GPATCH2: variants seen among roughly 807,000 people sequenced by gnomAD.
GPATCH2 encodes the protein G patch domain-containing protein 2.
A neutral mutation model predicts 58.0 loss-of-function variants in GPATCH2; 51 were observed. That is an observed-to-expected ratio of 0.88 (90% CI 0.70 to 1.11). The LOEUF is 1.11. GPATCH2 is among the 50% of genes most tolerant of loss of function. The pLI, the probability that GPATCH2 is intolerant of heterozygous loss-of-function variation, is 0.00. For missense variants in GPATCH2, 625 were observed against 652.2 expected (o/e 0.96, Z 0.45); for synonymous variants, 222 against 218.5 (o/e 1.02, Z -0.14).
chr1:217,471,299 A>G (rs1343784152), intron 8 of GPATCH2, among the ~76,000 whole-genome samples: 1 of 152,186 alleles, frequency 6.6e-6, no homozygotes, highest in Non-Finnish European at 1.5e-5. Context: ...TTAAACAAAT[A>G]TAGCCCATGT....
intron 5 of GPATCH2, among the ~76,000 whole-genome samples, chr1:217,582,121 T>G (rs1667109274): frequency 6.6e-6 from 1 of 152,154 alleles, no homozygotes; most frequent in African/African-American, 2.4e-5. Context: ...GGTTGGGAAT[T>G]ATTACTTGAT....
intron 1 of GPATCH2, among the ~76,000 whole-genome samples, chr1:217,630,564 T>C (rs1399047900): frequency 2.0e-5 from 3 of 152,262 alleles, no homozygotes; most frequent in South Asian, 4.1e-4. Context: ...CTGGTAAATA[T>C]TGAAAGAGGA....
chr1:217,492,178 T>A (rs144242884), intron 7 of GPATCH2, among the ~76,000 whole-genome samples: 20 of 152,332 alleles, frequency 1.3e-4, no homozygotes, highest in African/African-American at 4.6e-4. Context: ...AGCTGTGAAT[T>A]TTTTAAGGCT....
In GPATCH2 at chr1:217,522,306, CACTAAATA is replaced by C. The variant is rs202071609; in HGVS notation, c.1099-7425_1099-7418del. Among the ~76,000 whole-genome samples, 898 of 152,224 alleles carry C rather than the reference CACTAAATA, an allele frequency of 5.9e-3. 7 individuals carry two copies. Among genetic ancestry groups the C allele is most frequent in the African/African-American group, 0.02 (825 of 41,548 alleles). ...AAATGCTTTCACAAAAAAGATTAAT[CACTAAATA>C]ATTCAAAAACAAATACAGCAACAAC... On this transcript the variant is annotated intron_variant, in intron 5 of 9. Coordinates refer to ENST00000366935, the MANE Select transcript of GPATCH2 (RefSeq NM_018040.5).
chr1:217,564,990 A>C (rs34500034), intron 5 of GPATCH2, among the ~76,000 whole-genome samples: 22,628 of 152,202 alleles, frequency 0.15, 2,182 homozygotes, highest in Non-Finnish European at 0.21. Flanking sequence ...GAAAAAGAAG[A>C]AGCAGAATGT....
At chr1:217,572,461 T>G (rs1666614334) in intron 5 of GPATCH2, among the ~76,000 whole-genome samples, 1 of 152,216 alleles carries the variant, frequency 6.6e-6, no homozygotes, top group Non-Finnish European at 1.5e-5. Flanking sequence ...TGTAAAAATG[T>G]ATTATCTAGT....
intron 8 of GPATCH2, among the ~76,000 whole-genome samples, chr1:217,459,263 C>G (rs1013061226): frequency 6.6e-6 from 1 of 152,106 alleles, no homozygotes; most frequent in South Asian, 2.1e-4. Context: ...GAGTTCATAA[C>G]CTAATGTAGG....
intron 5 of GPATCH2, among the ~76,000 whole-genome samples, chr1:217,524,440 C>T (rs1663704597): frequency 6.6e-6 from 1 of 151,886 alleles, no homozygotes; most frequent in Non-Finnish European, 1.5e-5. Flanking sequence ...AGAGACGCTC[C>T]TCACTTCCCA....
At chr1:217,504,201 G>T (rs1232994755) in intron 6 of GPATCH2, among the ~76,000 whole-genome samples, 1 of 152,230 alleles carries the variant, frequency 6.6e-6, no homozygotes, top group Non-Finnish European at 1.5e-5. Context: ...TTACCCAGGA[G>T]TAAAAAAGGA....
chr1:217,431,273 C>A lies in GPATCH2; in HGVS notation c.1459G>T (p.Gly487Ter), dbSNP rs754728856. ...NMGWTPGSGL[G>*]RDGKGISEPI... The stretch of plus-strand genomic sequence containing the variant: ...TCAGAGATCCCCTTGCCATCTCGTC[C>A]AAGGCCTGACCCAGGCGTCCAGCCC... Residue 487 changes from glycine to a stop codon, truncating the protein, a stop_gained, in exon 10 of 10, where the codon GGA (glycine) becomes TGA (stop). Transcript: ENST00000366935. LOFTEE classifies it high-confidence loss of function. The A allele has an allele frequency of 6.2e-7, 1 of 1,606,656 alleles. No homozygotes were observed. The highest frequency in any genetic ancestry group is 8.5e-7 in the Non-Finnish European group (1 of 1,173,150).
At chr1:217,614,076 G>A in intron 3 of GPATCH2, 65 bp downstream of exon 3, 1 of 880,046 alleles carries the variant, frequency 1.1e-6, no homozygotes, top group Non-Finnish European at 1.9e-6. Flanking sequence ...GAAATAACCA[G>A]TAATAAGCTC....
Position 217,620,353 on chromosome 1 carries a change from C to T in GPATCH2, c.203G>A (p.Arg68Lys). 1.2e-6 allele frequency: 2 copies of T among 1,614,074 alleles called. No individual in the cohort carries two copies. Among genetic ancestry groups the T allele is most frequent in the Non-Finnish European group, 1.7e-6 (2 of 1,180,002 alleles). ...ATACGACCTCCGTTTTCTCCCTCTC[C>T]TTTTCCTTGCCTGGCGTTTCAGAGG... is the stretch of plus-strand genomic sequence containing the variant. ...SCPLKRQARK[R>K]RGRKRRSYNV... is the part of the protein sequence containing the mutation. Residue 68 changes from arginine to lysine, a missense_variant, in exon 2 of 10, where the codon AGG becomes AAG. Transcript: ENST00000366935.
chr1:217,522,776 A>G lies in GPATCH2; in HGVS notation c.1099-7887T>C, dbSNP rs1310614660. ...ATGTGGATTTTCTTACTCAATTCATATCAAAGCAATTCACATCTGCATTTA... is the reference window on the plus strand; with the variant it reads ...ATGTGGATTTTCTTACTCAATTCATGTCAAAGCAATTCACATCTGCATTTA... On this transcript the variant is annotated intron_variant, in intron 5 of 9. Transcript: ENST00000366935. Among the ~76,000 whole-genome samples, 3 of 150,040 alleles carry G rather than the reference A, an allele frequency of 2.0e-5. 1 individual carries two copies. Among genetic ancestry groups the G allele is most frequent in the African/African-American group, 7.6e-5 (3 of 39,394 alleles).
chr1:217,490,917 T>A (rs1303782337), intron 8 of GPATCH2, among the ~76,000 whole-genome samples: 1 of 152,340 alleles, frequency 6.6e-6, no homozygotes, highest in East Asian at 1.9e-4. Flanking sequence ...CAGTGGGATC[T>A]CAGTTGGCAT....
chr1:217,499,828 T>G (rs1166251516), intron 6 of GPATCH2, among the ~76,000 whole-genome samples: 1 of 152,098 alleles, frequency 6.6e-6, no homozygotes, highest in East Asian at 1.9e-4. Context: ...CAGCAATTTC[T>G]TGTTCCATCT....
At chr1:217,543,264 C>T (rs895003787) in intron 5 of GPATCH2, among the ~76,000 whole-genome samples, 6 of 143,256 alleles carry the variant, frequency 4.2e-5, no homozygotes, top group African/African-American at 1.0e-4. Context: ...CATGATGATG[C>T]GAACGTTTTT....
chr1:217,454,863 A>T (rs928093013), intron 8 of GPATCH2, among the ~76,000 whole-genome samples: 3 of 151,770 alleles, frequency 2.0e-5, no homozygotes, highest in African/African-American at 7.3e-5. Context: ...CAAACTCCTG[A>T]CCTCAAGCGA....
intron 5 of GPATCH2, among the ~76,000 whole-genome samples, chr1:217,605,865 T>C (rs946384492): frequency 6.6e-6 from 1 of 152,168 alleles, no homozygotes; most frequent in African/African-American, 2.4e-5. Context: ...AATATTATTC[T>C]GAATTGAGTT....
intron 8 of GPATCH2, among the ~76,000 whole-genome samples, chr1:217,491,017 T>C (rs899754861): frequency 3.1e-4 from 47 of 152,198 alleles, no homozygotes; most frequent in Admixed American, 3.1e-3. Flanking sequence ...TGGGAAGCCA[T>C]GGGATGCAAT....
Sources: allele counts gnomAD v4.1 joint callset (sites outside exome capture counted in the v4.1 genomes callset), GRCh38; gene constraint gnomAD v4.1.1; transcripts MANE v1.5; gene names NCBI Gene and HGNC (gene_info 2026-07-23, HGNC 2026-07-21).